Variants in ZFAND4 observed in about 807,000 individuals in gnomAD.
ZFAND4 encodes the protein zinc finger AN1-type containing 4.
In ZFAND4, 43 loss-of-function variants were observed where a neutral mutation model predicts 64.4. That is an observed-to-expected ratio of 0.67 (90% CI 0.52 to 0.86). The LOEUF is 0.86. Ranked by LOEUF, ZFAND4 falls within the 40% of genes least tolerant of loss-of-function variation. ZFAND4 has a pLI of 0.00. For missense variants in ZFAND4, 929 were observed against 859.8 expected (o/e 1.08, Z -1.01); for synonymous variants, 296 against 305.7 (o/e 0.97, Z 0.33).
At chr10:45,621,062 T>G (rs186956198) in intron 8 of ZFAND4, 1 of 152,278 alleles carries the variant, frequency 6.6e-6, no homozygotes, top group African/African-American at 2.4e-5. Context: ...TCTAACAGGA[T>G]CTACAAAAAC....
intron 8 of ZFAND4, 123 bp downstream of exon 8, chr10:45,624,460 G>C (rs2045652038): frequency 2.6e-6 from 2 of 754,934 alleles, no homozygotes; most frequent in South Asian, 2.1e-5. Context: ...AGCATTTAGA[G>C]ACAGAATTTA....
In ZFAND4 at chr10:45,626,089, G is replaced by C. The variant is rs1281374842; in HGVS notation, c.1734C>G (p.Ser578Arg). The change falls in exon 7 of 10, where the codon AGC becomes AGG. Residue 578 changes from serine to arginine, a missense_variant. Coordinates refer to ENST00000344646, the MANE Select transcript of ZFAND4 (RefSeq NM_174890.4). ...SFLASLAGST[S>R]RNRLQSTRGA... ...CACGTGTGCTCTGTAATCTATTTCT[G>C]CTTGTGCTCCCGGCCAGTGAGGCAA... The C allele has an allele frequency of 6.2e-7, 1 of 1,614,020 alleles. No homozygotes were observed. The highest frequency in any genetic ancestry group is 1.1e-5 in the South Asian group (1 of 91,080).
chr10:45,626,266 A>G lies in ZFAND4; in HGVS notation c.1557T>C (p.Ser519=). ...SLDVQNITDS[S]FSRTTCFQGV... is the part of the protein sequence containing the mutation. ...CTTGAAAGCAAGTAGTCCTAGAGAAAGAAGAATCAGTTATGTTTTGAACAT... is the reference window on the plus strand; with the variant it reads ...CTTGAAAGCAAGTAGTCCTAGAGAAGGAAGAATCAGTTATGTTTTGAACAT... The change falls in exon 7 of 10, where the codon TCT becomes TCC. Residue 519 remains serine (S), a synonymous_variant. Transcript: ENST00000344646. The G allele has an allele frequency of 6.2e-7, 1 of 1,614,216 alleles. No individual in the cohort carries two copies. Among genetic ancestry groups the G allele is most frequent in the Non-Finnish European group, 8.5e-7 (1 of 1,180,040 alleles).
intron 6 of ZFAND4, among the ~76,000 whole-genome samples, chr10:45,627,850 C>T (rs1004218639): frequency 6.6e-6 from 1 of 152,218 alleles, no homozygotes; most frequent in Non-Finnish European, 1.5e-5. Context: ...TCTCATGAGA[C>T]TCCACTGAAA....
At chr10:45,625,036 G>C (rs1022747461) in intron 7 of ZFAND4, among the ~76,000 whole-genome samples, 3 of 151,936 alleles carry the variant, frequency 2.0e-5, no homozygotes, top group Non-Finnish European at 2.9e-5. Context: ...AGTTAGCCAG[G>C]CATGGTGGCA....
Position 45,626,063 on chromosome 10 carries a change from C to T in ZFAND4, c.1760G>A (p.Gly587Glu). ...TSRNRLQSTR[G>E]AGRLQNSGTG... ...TCCAGAGTTCTGAAGCCTGCCTGCC[C>T]CACGTGTGCTCTGTAATCTATTTCT... is the stretch of plus-strand genomic sequence containing the variant. Residue 587 changes from glycine (G) to glutamate (E), a missense_variant, in exon 7 of 10, where the codon GGG becomes GAG. Transcript: ENST00000344646. 6.2e-7 allele frequency: 1 copy of T among 1,614,058 alleles called. No individual in the cohort carries two copies. The highest frequency in any genetic ancestry group is 8.5e-7 in the Non-Finnish European group (1 of 1,180,016).
At chr10:45,665,491 A>G (rs531469472) in intron 1 of ZFAND4, among the ~76,000 whole-genome samples, 7 of 152,174 alleles carry the variant, frequency 4.6e-5, no homozygotes, top group Admixed American at 1.3e-4. Flanking sequence ...CAGTGAGCCA[A>G]GATTGCACCA....
chr10:45,671,831 A>T (rs1042187585), intron 1 of ZFAND4, among the ~76,000 whole-genome samples: 1 of 152,156 alleles, frequency 6.6e-6, no homozygotes, highest in Non-Finnish European at 1.5e-5. Context: ...TAAAAAAAAA[A>T]AAAAAATCAA....
intron 9 of ZFAND4, 124 bp from the exon 10 acceptor site, chr10:45,616,695 C>A: frequency 1.2e-6 from 1 of 862,508 alleles, no homozygotes; most frequent in African/African-American, 1.7e-5. Context: ...AGCAATTTCA[C>A]TGCTGACATT....
At chr10:45,661,547 C>T (rs553036209) in intron 2 of ZFAND4, among the ~76,000 whole-genome samples, 1 of 152,270 alleles carries the variant, frequency 6.6e-6, no homozygotes, top group African/African-American at 2.4e-5. Flanking sequence ...CTCTGCCCTC[C>T]GTATTCCATA....
At chr10:45,625,898 G>A in intron 7 of ZFAND4, 53 bp downstream of exon 7, 1 of 1,495,126 alleles carries the variant, frequency 6.7e-7, no homozygotes, top group Non-Finnish European at 9.0e-7. Context: ...CTTTAAATAA[G>A]TTGAATCACT....
At chr10:45,631,018 G>A (rs1045683543) in intron 6 of ZFAND4, among the ~76,000 whole-genome samples, 6 of 150,028 alleles carry the variant, frequency 4.0e-5, no homozygotes, top group Non-Finnish European at 5.9e-5. Flanking sequence ...TCTAACTTAT[G>A]TATAAAATAA....
chr10:45,648,582 T>C (rs772562004), intron 4 of ZFAND4, 48 bp from the exon 5 acceptor site: 3 of 1,558,642 alleles, frequency 1.9e-6, no homozygotes, highest in Admixed American at 1.9e-5. Flanking sequence ...TCAAGTTTTA[T>C]GCATCTTGGT....
At chr10:45,643,825 A>G (rs532752081) in intron 5 of ZFAND4, among the ~76,000 whole-genome samples, 1 of 152,190 alleles carries the variant, frequency 6.6e-6, no homozygotes, top group Non-Finnish European at 1.5e-5. Context: ...CCAGCAAACC[A>G]TGGTCATGGG....
chr10:45,651,300 C>T, intron 4 of ZFAND4: 1 of 223,874 alleles, frequency 4.5e-6, no homozygotes, highest in Non-Finnish European at 9.2e-6. Flanking sequence ...TCATCTTTTT[C>T]GAGGGCCCTT....
At chr10:45,629,887 T>A (rs1484906356) in intron 6 of ZFAND4, among the ~76,000 whole-genome samples, 2 of 151,980 alleles carry the variant, frequency 1.3e-5, no homozygotes, top group Admixed American at 6.6e-5. Flanking sequence ...AATTAATTTT[T>A]AAAATAACAA....
At chr10:45,662,580 C>G in intron 2 of ZFAND4, 17 of 985,182 alleles carry the variant, frequency 1.7e-5, no homozygotes, top group Non-Finnish European at 2.0e-5. Flanking sequence ...TAGATCTCAC[C>G]AAATCATTTA....
At chr10:45,641,992 C>T (rs80331425) in intron 5 of ZFAND4, among the ~76,000 whole-genome samples, 1 of 152,266 alleles carries the variant, frequency 6.6e-6, no homozygotes, top group East Asian at 1.9e-4. Flanking sequence ...CATGCTTGTG[C>T]ACCCAGATGA....
rs117019108 is a variant in ZFAND4, at chr10:45,615,887, C to T, written c.*549G>A. ...TTAAAAACCACACTGGAAAAATGTT[C>T]TTTTTTATAAAAAGTAGCTTGAAGT... On this transcript the variant is annotated 3_prime_UTR_variant, in exon 10 of 10. Coordinates refer to ENST00000344646, the MANE Select transcript of ZFAND4 (RefSeq NM_174890.4). 1,562 of 152,034 alleles carry T rather than the reference C, an allele frequency of 0.01. 14 individuals are homozygous for T. Among genetic ancestry groups the T allele is most frequent in the Middle Eastern group, 0.02 (6 of 294 alleles). 9.4% of individuals were successfully genotyped at this position (152,034 alleles called of 1,614,324 possible).
Sources: allele counts gnomAD v4.1 joint callset (sites outside exome capture counted in the v4.1 genomes callset), GRCh38; gene constraint gnomAD v4.1.1; transcripts MANE v1.5; gene names NCBI Gene and HGNC (gene_info 2026-07-23, HGNC 2026-07-21).